SPPL3: variants seen among roughly 807,000 people sequenced by gnomAD.
SPPL3 encodes signal peptide peptidase-like 3.
In SPPL3, 5 loss-of-function variants were observed where a neutral mutation model predicts 42.4. That is an observed-to-expected ratio of 0.12 (90% CI 0.06 to 0.25). The LOEUF is 0.25. Ranked by LOEUF, SPPL3 falls within the 10% of genes least tolerant of loss-of-function variation. The pLI, the probability that SPPL3 is intolerant of heterozygous loss-of-function variation, is 1.00. For synonymous variants in SPPL3, 195 were observed against 181.8 expected (o/e 1.07, Z -0.58); for missense variants, 235 against 489.0 (o/e 0.48, Z 4.90).
At chr12:120,842,214 TAAG>T (rs552038828) in intron 1 of SPPL3, among the ~76,000 whole-genome samples, 178 of 152,292 alleles carry the variant, frequency 1.2e-3, no homozygotes, top group African/African-American at 3.7e-3. Context: ...TTTAGGTAGA[TAAG>T]AAGAGGGAAC....
At chr12:120,771,025 T>C (rs1869102021) in intron 6 of SPPL3, among the ~76,000 whole-genome samples, 1 of 152,216 alleles carries the variant, frequency 6.6e-6, no homozygotes. Context: ...TTTTACACCC[T>C]GCCTGGCTTA....
At chr12:120,897,246 C>T (rs1873836579) in intron 1 of SPPL3, among the ~76,000 whole-genome samples, 2 of 152,158 alleles carry the variant, frequency 1.3e-5, no homozygotes, top group Admixed American at 1.3e-4. Context: ...CTACCTGATA[C>T]TTACAGGCTG....
Position 120,764,853 on chromosome 12 carries a change from C to T in SPPL3, c.*146G>A, listed in dbSNP as rs1868820232. On this transcript the variant is annotated 3_prime_UTR_variant, in exon 11 of 11. Transcript: ENST00000353487. The stretch of plus-strand genomic sequence containing the variant: ...CCAGCACCTCTCTCCTGCAAACGAG[C>T]TCCCTTTAAATGCCAAATCCAGTCA... 1.2e-6 allele frequency: 1 copy of T among 830,168 alleles called. No individual in the cohort carries two copies. Among genetic ancestry groups the T allele is most frequent in the Non-Finnish European group, 1.8e-6 (1 of 549,926 alleles). The allele number at this position is 830,168 out of a possible 1,614,324, so 51.4% of individuals were successfully genotyped here. A position where few individuals can be genotyped will look rare whatever the true frequency, so the allele number is the denominator to read the frequency against.
chr12:120,834,976 G>C (rs1328589228), intron 1 of SPPL3, among the ~76,000 whole-genome samples: 1 of 152,108 alleles, frequency 6.6e-6, no homozygotes, highest in African/African-American at 2.4e-5. Flanking sequence ...CTATTTTATA[G>C]GGGTGAAAAA....
chr12:120,879,350 G>C (rs1873212589), intron 1 of SPPL3, among the ~76,000 whole-genome samples: 1 of 151,956 alleles, frequency 6.6e-6, no homozygotes, highest in African/African-American at 2.4e-5. Flanking sequence ...TCTACGGACT[G>C]ATTCTCTTCT....
chr12:120,798,017 G>A (rs935146285), intron 2 of SPPL3, among the ~76,000 whole-genome samples: 1 of 152,126 alleles, frequency 6.6e-6, no homozygotes, highest in Non-Finnish European at 1.5e-5. Flanking sequence ...GTAGAGACTG[G>A]TTAGTTACAT....
At chr12:120,879,332 T>TA (rs1271127040) in intron 1 of SPPL3, among the ~76,000 whole-genome samples, 2 of 151,954 alleles carry the variant, frequency 1.3e-5, no homozygotes, top group Non-Finnish European at 1.5e-5. Context: ...TGGTCTGTGT[T>TA]AGAGAATTCT....
chr12:120,822,902 G>C (rs1871114263), intron 1 of SPPL3, among the ~76,000 whole-genome samples: 1 of 152,006 alleles, frequency 6.6e-6, no homozygotes, highest in Non-Finnish European at 1.5e-5. Context: ...ATCACCACAT[G>C]CATGAGGACT....
chr12:120,863,164 A>G (rs996387912), intron 1 of SPPL3, among the ~76,000 whole-genome samples: 1 of 152,108 alleles, frequency 6.6e-6, no homozygotes, highest in African/African-American at 2.4e-5. Context: ...CCTGGCCAAC[A>G]TGGTGAAACC....
chr12:120,791,322 T>C (rs948987120), intron 3 of SPPL3, 147 bp downstream of exon 3: 2 of 555,896 alleles, frequency 3.6e-6, no homozygotes, highest in Non-Finnish European at 3.1e-6. Flanking sequence ...TTACATACCG[T>C]AAAATTCACT....
intron 6 of SPPL3, among the ~76,000 whole-genome samples, chr12:120,771,055 C>T (rs1042152595): frequency 7.2e-5 from 11 of 152,226 alleles, no homozygotes; most frequent in Non-Finnish European, 7.3e-5. Context: ...CCTCTCCTGG[C>T]GTGCATTGCT....
intron 3 of SPPL3, among the ~76,000 whole-genome samples, chr12:120,789,934 T>TA (rs1265173774): frequency 6.6e-6 from 1 of 151,774 alleles, no homozygotes; most frequent in Non-Finnish European, 1.5e-5. Context: ...GAGGTAAACT[T>TA]AGACATAATA....
intron 2 of SPPL3, among the ~76,000 whole-genome samples, chr12:120,800,588 CACAG>C (rs764920533): frequency 5.5e-4 from 84 of 152,216 alleles, no homozygotes; most frequent in Admixed American, 3.5e-3. Flanking sequence ...GCTTTTTCAT[CACAG>C]ACAACCATTT....
At chr12:120,806,619 TG>T (rs1449491122) in intron 2 of SPPL3, among the ~76,000 whole-genome samples, 2 of 151,868 alleles carry the variant, frequency 1.3e-5, no homozygotes, top group South Asian at 2.1e-4. Flanking sequence ...GAGGCTGAGG[TG>T]GGTGGATCAC....
intron 1 of SPPL3, among the ~76,000 whole-genome samples, chr12:120,902,296 T>A (rs773028857): frequency 6.6e-6 from 1 of 152,240 alleles, no homozygotes; most frequent in East Asian, 1.9e-4. Context: ...AGAATTATCA[T>A]CTTCAATCCC....
rs114775753 is a variant in SPPL3 at position 120,832,922 on chromosome 12, C to A, written c.24-22036G>T. ...AAAGCATAAGAGACTATTTTAGGCA[C>A]CACATCAGCACTATGGGGATCTGGT... is the stretch of plus-strand genomic sequence containing the variant. On this transcript the variant is annotated intron_variant, in intron 1 of 10. Coordinates refer to ENST00000353487, the MANE Select transcript of SPPL3 (RefSeq NM_139015.5). 3.4e-3 allele frequency among the ~76,000 whole-genome samples: 517 copies of A among 152,248 alleles called. 3 individuals carry two copies. Among genetic ancestry groups the A allele is most frequent in the African/African-American group, 0.012 (500 of 41,534 alleles).
At chr12:120,776,563 T>A (rs1224445412) in intron 6 of SPPL3, among the ~76,000 whole-genome samples, 1 of 152,062 alleles carries the variant, frequency 6.6e-6, no homozygotes, top group Non-Finnish European at 1.5e-5. Flanking sequence ...AATGTCACCT[T>A]CCACCATGCT....
chr12:120,901,262 T>C (rs2137074663), intron 1 of SPPL3, among the ~76,000 whole-genome samples: 1 of 152,282 alleles, frequency 6.6e-6, no homozygotes, highest in South Asian at 2.1e-4. Context: ...CTTATTTTAT[T>C]ATATTATTAG....
chr12:120,877,967 A>G (rs904221047), intron 1 of SPPL3, among the ~76,000 whole-genome samples: 6 of 151,514 alleles, frequency 4.0e-5, no homozygotes, highest in Non-Finnish European at 8.8e-5. Context: ...GGTTGCAGTG[A>G]GCCACTGCAC....
Sources: gnomAD v4.1 joint callset for allele counts (sites outside exome capture counted in the v4.1 genomes callset) on GRCh38, gnomAD v4.1.1 for gene constraint, MANE v1.5 for transcripts, NCBI Gene and HGNC (gene_info 2026-07-23, HGNC 2026-07-21) for gene names.